The following PTPRD variants were observed in gnomAD, a reference collection of about 807,000 sequenced individuals.
PTPRD encodes protein tyrosine phosphatase receptor type D.
PTPRD carries 34 observed loss-of-function variants against 214.5 expected under a neutral mutation model. The ratio of observed to expected loss-of-function variants is 0.16; its 90% CI spans 0.12 to 0.21. The LOEUF (loss-of-function observed/expected upper bound fraction) is 0.21, where lower values mean the gene tolerates loss of function less well. Ranked by LOEUF, PTPRD falls within the 10% of genes least tolerant of loss-of-function variation. The pLI, the probability that PTPRD is intolerant of heterozygous loss-of-function variation, is 1.00. For missense variants in PTPRD, 2,545 were observed against 2,398.7 expected (o/e 1.06, Z -1.27); for synonymous variants, 1,128 against 845.7 (o/e 1.33, Z -5.79).
chr9:9,450,950 T>TACACAC (rs145703989), intron 8 of PTPRD, among the ~76,000 whole-genome samples: 13,571 of 136,462 alleles, frequency 0.099, 669 homozygotes, highest in Non-Finnish European at 0.12. Flanking sequence ...CATACATACA[T>TACACAC]ACACACACAC....
At chr9:8,888,535 T>C (rs1364083632) in intron 11 of PTPRD, among the ~76,000 whole-genome samples, 1 of 152,248 alleles carries the variant, frequency 6.6e-6, no homozygotes, top group African/African-American at 2.4e-5. Flanking sequence ...CTCCCTCGTG[T>C]GAAACCAAAA....
intron 11 of PTPRD, among the ~76,000 whole-genome samples, chr9:8,922,986 T>C (rs1250661572): frequency 6.6e-6 from 1 of 151,088 alleles, no homozygotes; most frequent in Admixed American, 6.6e-5. Context: ...TTTCTTTTCT[T>C]CTCTCGTTTC....
chr9:10,267,060 C>T (rs745888895), intron 3 of PTPRD, among the ~76,000 whole-genome samples: 45 of 151,540 alleles, frequency 3.0e-4, no homozygotes, highest in Non-Finnish European at 1.2e-4. Flanking sequence ...GGAGTGGTAG[C>T]GGTCCCCTGT....
chr9:8,831,853 A>G (rs983995815), intron 11 of PTPRD, among the ~76,000 whole-genome samples: 4 of 152,182 alleles, frequency 2.6e-5, no homozygotes, highest in African/African-American at 9.6e-5. Context: ...AATTTGACAA[A>G]AACTGCTTCC....
At chr9:9,602,634 T>A (rs73641330) in intron 7 of PTPRD, among the ~76,000 whole-genome samples, 7 of 152,092 alleles carry the variant, frequency 4.6e-5, no homozygotes, top group African/African-American at 9.7e-5. Context: ...CTATCTTTTT[T>A]TCATTATTAC....
rs752721566 is a variant in PTPRD at position 9,605,511 on chromosome 9, G to T, written c.-286-30730C>A. On this transcript the variant is annotated intron_variant, in intron 7 of 45. Coordinates refer to ENST00000381196, the MANE Select transcript of PTPRD (RefSeq NM_002839.4). The stretch of plus-strand genomic sequence containing the variant: ...GTTTGCATGTGTTATAAAAAACATG[G>T]TTCCCCACAACAAAAGTTTTCTAGA... 9.2e-5 allele frequency among the ~76,000 whole-genome samples: 14 copies of T among 151,998 alleles called. No homozygotes were observed. The Middle Eastern group carries it at 0.02, about 222-fold the overall frequency.
intron 3 of PTPRD, among the ~76,000 whole-genome samples, chr9:10,255,114 G>C (rs764690701): frequency 6.6e-6 from 1 of 152,194 alleles, no homozygotes; most frequent in Non-Finnish European, 1.5e-5. Context: ...ATAGTACAGA[G>C]TGTTTTACAT....
chr9:9,385,970 T>TGGA (rs2063743268), intron 9 of PTPRD, among the ~76,000 whole-genome samples: 1 of 152,136 alleles, frequency 6.6e-6, no homozygotes, highest in Non-Finnish European at 1.5e-5. Context: ...TATGTGTATC[T>TGGA]ATTTGCTTCT....
intron 7 of PTPRD, among the ~76,000 whole-genome samples, chr9:9,649,537 T>C (rs986963454): frequency 6.6e-6 from 1 of 152,174 alleles, no homozygotes; most frequent in African/African-American, 2.4e-5. Flanking sequence ...TTAGTCTATA[T>C]TATAAAAAGA....
chr9:8,791,340 C>G (rs528085818), intron 11 of PTPRD, among the ~76,000 whole-genome samples: 1 of 151,872 alleles, frequency 6.6e-6, no homozygotes, highest in East Asian at 1.9e-4. Context: ...ATTCTCCTGC[C>G]TTAGCCTCCT....
At chr9:9,359,567 C>A (rs898571898) in intron 9 of PTPRD, among the ~76,000 whole-genome samples, 2 of 151,208 alleles carry the variant, frequency 1.3e-5, no homozygotes, top group Non-Finnish European at 3.0e-5. Context: ...ATTACCCCTC[C>A]CAATTAAACT....
intron 14 of PTPRD, among the ~76,000 whole-genome samples, chr9:8,595,453 C>T (rs1191336068): frequency 6.6e-6 from 1 of 152,110 alleles, no homozygotes; most frequent in Non-Finnish European, 1.5e-5. Context: ...AAAATTAGTA[C>T]TGCTTTTATC....
At chr9:8,854,624 G>T (rs2097880852) in intron 11 of PTPRD, among the ~76,000 whole-genome samples, 1 of 152,168 alleles carries the variant, frequency 6.6e-6, no homozygotes, top group Non-Finnish European at 1.5e-5. Context: ...TGTCTCTCAA[G>T]ATTGCCATGG....
At chr9:8,319,318 T>A (rs1824946896) in intron 45 of PTPRD, among the ~76,000 whole-genome samples, 1 of 152,032 alleles carries the variant, frequency 6.6e-6, no homozygotes, top group Non-Finnish European at 1.5e-5. Flanking sequence ...AATTTCCATA[T>A]TAATTATTGG....
At chr9:9,335,420 A>G (rs1374446964) in intron 9 of PTPRD, among the ~76,000 whole-genome samples, 1 of 152,114 alleles carries the variant, frequency 6.6e-6, no homozygotes, top group Non-Finnish European at 1.5e-5. Context: ...TTATTGTCAT[A>G]GAAATTATTT....
intron 7 of PTPRD, among the ~76,000 whole-genome samples, chr9:9,646,772 T>A (rs767184914): frequency 2.4e-4 from 37 of 152,142 alleles, no homozygotes; most frequent in Non-Finnish European, 1.8e-4. Flanking sequence ...ATATCTATAA[T>A]AAAGTTTAAA....
At chr9:9,527,544 A>C (rs2074412216) in intron 8 of PTPRD, among the ~76,000 whole-genome samples, 1 of 152,148 alleles carries the variant, frequency 6.6e-6, no homozygotes, top group Admixed American at 6.5e-5. Flanking sequence ...TTCTTGCATT[A>C]TTTTCTAATC....
intron 8 of PTPRD, among the ~76,000 whole-genome samples, chr9:9,424,686 A>G (rs1416441457): frequency 6.6e-6 from 1 of 152,248 alleles, no homozygotes; most frequent in Non-Finnish European, 1.5e-5. Context: ...TTCACAGCAC[A>G]TAAAGAAATA....
intron 10 of PTPRD, among the ~76,000 whole-genome samples, chr9:9,064,797 G>A (rs573573865): frequency 6.6e-6 from 1 of 152,160 alleles, no homozygotes; most frequent in Non-Finnish European, 1.5e-5. Flanking sequence ...AGAGATTTGT[G>A]TTCAGAAAAG....
Sources: allele counts gnomAD v4.1 joint callset (sites outside exome capture counted in the v4.1 genomes callset), GRCh38; gene constraint gnomAD v4.1.1; transcripts MANE v1.5; gene names NCBI Gene and HGNC (gene_info 2026-07-23, HGNC 2026-07-21).